Variants in ZBTB7A observed in about 807,000 individuals in gnomAD.
ZBTB7A encodes zinc finger and BTB domain-containing protein 7A.
In ZBTB7A, 7 loss-of-function variants were observed where a neutral mutation model predicts 26.7. That is an observed-to-expected ratio of 0.26 (90% CI 0.15 to 0.49). The LOEUF is 0.49. Ranked by LOEUF, ZBTB7A falls within the 20% of genes least tolerant of loss-of-function variation. The pLI is 0.98. For missense variants in ZBTB7A, 617 were observed against 919.5 expected (o/e 0.67, Z 4.25); for synonymous variants, 452 against 441.0 (o/e 1.02, Z -0.31).
rs1421541063 is a variant in ZBTB7A, at chr19:4,043,704, C to T, written c.*4048G>A. Among the ~76,000 whole-genome samples, 2 of 81,950 alleles carry T rather than the reference C, an allele frequency of 2.4e-5. No homozygotes were observed. Among genetic ancestry groups the T allele is most frequent in the East Asian group, 3.8e-4 (1 of 2,608 alleles). The allele number at this position is 81,950 out of a possible 152,430, so 53.8% of individuals were successfully genotyped here. A position where few individuals can be genotyped will look rare whatever the true frequency, so the allele number is the denominator to read the frequency against. ...GGGATGGGGGTCTCCCTGGCCCCCT[C>T]CACCCCCTGGGCCCGGCCCCCCCCC... On this transcript the variant is annotated 3_prime_UTR_variant, in exon 3 of 3. Coordinates refer to ENST00000322357, the MANE Select transcript of ZBTB7A (RefSeq NM_015898.4).
In ZBTB7A at chr19:4,047,975, C is replaced by A; in HGVS notation, c.1532G>T (p.Ser511Ile). The change falls in exon 3 of 3, where the codon AGC becomes ATC. Residue 511 changes from serine (S) to isoleucine (I), a missense_variant. Coordinates refer to ENST00000322357, the MANE Select transcript of ZBTB7A (RefSeq NM_015898.4). ...PRVRGGAPDP[S>I]PGATATPGAP... ...GCCGGGGGTCGCGGTGGCCCCCGGG[C>A]TGGGGTCGGGCGCCCCGCCCCGGAC... The A allele has an allele frequency of 8.0e-7, 1 of 1,243,788 alleles. No homozygotes were observed. Among genetic ancestry groups the A allele is most frequent in the Non-Finnish European group, 1.0e-6 (1 of 983,024 alleles). The allele number at this position is 1,243,788 out of a possible 1,614,324, so 77.0% of individuals were successfully genotyped here. A position where few individuals can be genotyped will look rare whatever the true frequency, so the allele number is the denominator to read the frequency against.
rs2040423499 is a variant in ZBTB7A at position 4,046,637 on chromosome 19, T to A, written c.*1115A>T. Reference sequence around the variant, plus strand: ...TTTTTTCTAGTTTGTTTTATTGCTTTTGTGACATTGGAATTTGTGGATTTT... The same window carrying A: ...TTTTTTCTAGTTTGTTTTATTGCTTATGTGACATTGGAATTTGTGGATTTT... On this transcript the variant is annotated 3_prime_UTR_variant, in exon 3 of 3. Transcript: ENST00000322357. 1 of 150,758 alleles carries A rather than the reference T, an allele frequency of 6.6e-6. No individual in the cohort carries two copies. Among genetic ancestry groups the A allele is most frequent in the African/African-American group, 2.4e-5 (1 of 41,128 alleles). 9.3% of individuals were successfully genotyped at this position (150,758 alleles called of 1,614,324 possible). A position where few individuals can be genotyped will look rare whatever the true frequency, so the allele number is the denominator to read the frequency against.
At position 4,052,454 on chromosome 19, in the gene ZBTB7A, C is replaced by T. The variant is rs576648215; in HGVS notation, c.1262+1517G>A. 2.6e-5 allele frequency among the ~76,000 whole-genome samples: 4 copies of T among 152,064 alleles called. No individual in the cohort carries two copies. The highest frequency in any genetic ancestry group is 7.2e-5 in the African/African-American group (3 of 41,394). On this transcript the variant is annotated intron_variant, in intron 2 of 2. Coordinates refer to ENST00000322357, the MANE Select transcript of ZBTB7A (RefSeq NM_015898.4). This position sits in a 1 kb window ranked among gnomAD's most constrained non-coding sequence, Gnocchi z 4.9. ...TTGCCCCCTGCCTGGCACTCCTGGG[C>T]GCCGGAGTCCAGGCCGCACCTTCCT...
At chr19:4,056,493 G>A (rs1338123540) in intron 1 of ZBTB7A, among the ~76,000 whole-genome samples, 1 of 152,202 alleles carries the variant, frequency 6.6e-6, no homozygotes, top group Non-Finnish European at 1.5e-5. Flanking sequence ...TGGGGAGGCT[G>A]AGGTGGGCAG....
chr19:4,044,683 T>TC lies in ZBTB7A; in HGVS notation c.*3068dup, dbSNP rs397738373. 12 of 124,730 alleles carry TC rather than the reference T, an allele frequency of 9.6e-5. No homozygotes were observed. The highest frequency in any genetic ancestry group is 1.9e-4 in the Non-Finnish European group (11 of 59,230). 7.7% of individuals were successfully genotyped at this position (124,730 alleles called of 1,614,324 possible). Reference sequence around the variant, plus strand: ...TCGCATTGTTTTTCTTTTTTTTTTTTCTCTTTTTTTTTTTGTACCAGGCAG... The same window carrying TC: ...TCGCATTGTTTTTCTTTTTTTTTTTTCCTCTTTTTTTTTTTGTACCAGGCAG... On this transcript the variant is annotated 3_prime_UTR_variant, in exon 3 of 3. Coordinates refer to ENST00000322357, the MANE Select transcript of ZBTB7A (RefSeq NM_015898.4).
Position 4,047,958 on chromosome 19 carries a change from T to A in ZBTB7A, c.1549A>T (p.Thr517Ser), listed in dbSNP as rs1300966455. The change falls in exon 3 of 3, where the codon ACC (threonine) becomes TCC (serine). Residue 517 changes from threonine to serine, a missense_variant. Coordinates refer to ENST00000322357, the MANE Select transcript of ZBTB7A (RefSeq NM_015898.4). ...CTGGGCTGGGCGGGGGCGCCGGGGG[T>A]CGCGGTGGCCCCCGGGCTGGGGTCG... ...APDPSPGATA[T>S]PGAPAQPSSP... The A allele has an allele frequency of 1.1e-5, 14 of 1,264,458 alleles. No homozygotes were observed. Among genetic ancestry groups the A allele is most frequent in the Non-Finnish European group, 1.4e-5 (14 of 993,204 alleles). The allele number at this position is 1,264,458 out of a possible 1,614,324, so 78.3% of individuals were successfully genotyped here. A position where few individuals can be genotyped will look rare whatever the true frequency, so the allele number is the denominator to read the frequency against.
At chr19:4,064,103 T>C (rs2040666321) in intron 1 of ZBTB7A, among the ~76,000 whole-genome samples, 1 of 152,122 alleles carries the variant, frequency 6.6e-6, no homozygotes, top group South Asian at 2.1e-4. Context: ...CGCGCCTCAG[T>C]CTCCCGCACA....
chr19:4,057,445 A>C (rs1223497306), intron 1 of ZBTB7A, among the ~76,000 whole-genome samples: 2 of 152,198 alleles, frequency 1.3e-5, no homozygotes, highest in African/African-American at 4.8e-5. Context: ...TGTTGATCTG[A>C]GCACGGGCTT....
At chr19:4,058,506 C>G (rs1332658124) in intron 1 of ZBTB7A, among the ~76,000 whole-genome samples, 1 of 152,108 alleles carries the variant, frequency 6.6e-6, no homozygotes, top group Non-Finnish European at 1.5e-5. Context: ...AACCCTCTGG[C>G]CCCTGTCCCC....
chr19:4,051,898 G>A (rs929032232), intron 2 of ZBTB7A, among the ~76,000 whole-genome samples: 3 of 152,034 alleles, frequency 2.0e-5, no homozygotes, highest in African/African-American at 7.2e-5. Flanking sequence ...TCATCACCCC[G>A]AGCCCCAGCC....
intron 1 of ZBTB7A, among the ~76,000 whole-genome samples, chr19:4,060,741 G>A (rs1230492557): frequency 6.6e-6 from 1 of 152,228 alleles, no homozygotes; most frequent in Non-Finnish European, 1.5e-5. Flanking sequence ...GCTAGTGCAG[G>A]GTGTGGGAGC....
At position 4,043,810 on chromosome 19, in the gene ZBTB7A, A is replaced by T. The variant is rs1183563440; in HGVS notation, c.*3942T>A. On this transcript the variant is annotated 3_prime_UTR_variant, in exon 3 of 3. Transcript: ENST00000322357. The stretch of plus-strand genomic sequence containing the variant: ...AGCTCCTGGGGCACCCCCAGCCTCC[A>T]GGCCCCTGACCCGTCCTGCGCCAGC... Among the ~76,000 whole-genome samples the T allele has an allele frequency of 8.7e-6, 1 of 115,566 alleles. No homozygotes were observed. Among genetic ancestry groups the T allele is most frequent in the Non-Finnish European group, 1.7e-5 (1 of 58,004 alleles). 75.8% of individuals were successfully genotyped at this position (115,566 alleles called of 152,430 possible).
Position 4,044,154 on chromosome 19 carries a change from G to A in ZBTB7A, c.*3598C>T, listed in dbSNP as rs2040382895. ...CCTGTCCCCCACCTTCCCTGCAGCC[G>A]CCCACTTCCAGGGGAAGACCCTGGA... On this transcript the variant is annotated 3_prime_UTR_variant, in exon 3 of 3. Transcript: ENST00000322357. Among the ~76,000 whole-genome samples the A allele has an allele frequency of 6.6e-6, 1 of 151,638 alleles. No homozygotes were observed. Among genetic ancestry groups the A allele is most frequent in the Admixed American group, 6.6e-5 (1 of 15,234 alleles).
At chr19:4,049,675 C>T (rs920065655) in intron 2 of ZBTB7A, among the ~76,000 whole-genome samples, 1 of 152,138 alleles carries the variant, frequency 6.6e-6, no homozygotes, top group Non-Finnish European at 1.5e-5. Flanking sequence ...CCCTAGTAAC[C>T]AAGTCCCCAC....
chr19:4,047,681 G>A lies in ZBTB7A; in HGVS notation c.*71C>T, dbSNP rs1466625602. 1 of 1,523,448 alleles carries A rather than the reference G, an allele frequency of 6.6e-7. No homozygotes were observed. Among genetic ancestry groups the A allele is most frequent in the South Asian group, 1.3e-5 (1 of 79,858 alleles). 94.4% of individuals were successfully genotyped at this position (1,523,448 alleles called of 1,614,324 possible). A position where few individuals can be genotyped will look rare whatever the true frequency, so the allele number is the denominator to read the frequency against. On this transcript the variant is annotated 3_prime_UTR_variant, in exon 3 of 3. Coordinates refer to ENST00000322357, the MANE Select transcript of ZBTB7A (RefSeq NM_015898.4). The stretch of plus-strand genomic sequence containing the variant: ...TTTTCTTTTTTTGTGTTTTTGGGGG[G>A]GTGGTGGGTGATTTTTTTTCTCTCT...
intron 2 of ZBTB7A, among the ~76,000 whole-genome samples, chr19:4,049,459 C>A (rs2040473711): frequency 6.6e-6 from 1 of 151,636 alleles, no homozygotes. Flanking sequence ...CAGACCTTTG[C>A]CGAGCGCCCG....
At chr19:4,053,796 A>C (rs1568232997) in intron 2 of ZBTB7A, among the ~76,000 whole-genome samples, 175 bp downstream of exon 2, 1 of 143,526 alleles carries the variant, frequency 7.0e-6, no homozygotes, top group South Asian at 2.2e-4. Flanking sequence ...GTGTGTGTGG[A>C]TGTGTAGGTG....
At position 4,044,062 on chromosome 19, in the gene ZBTB7A, C is replaced by T. The variant is rs969559181; in HGVS notation, c.*3690G>A. Among the ~76,000 whole-genome samples the T allele has an allele frequency of 4.6e-5, 7 of 152,102 alleles. No homozygotes were observed. Among genetic ancestry groups the T allele is most frequent in the Admixed American group, 2.0e-4 (3 of 15,284 alleles). ...GGAGGGGGCACCCCGAGGCCCCTGC[C>T]TCAGTGTCACCACCTGTGAGGTGAC... On this transcript the variant is annotated 3_prime_UTR_variant, in exon 3 of 3. Coordinates refer to ENST00000322357, the MANE Select transcript of ZBTB7A (RefSeq NM_015898.4).
At chr19:4,049,248 G>A (rs1197172099) in intron 2 of ZBTB7A, among the ~76,000 whole-genome samples, 17 of 121,828 alleles carry the variant, frequency 1.4e-4, no homozygotes, top group African/African-American at 4.7e-4. Flanking sequence ...CGTTACCCAG[G>A]CTAATCTCAA....
Sources: gnomAD v4.1 joint callset for allele counts (sites outside exome capture counted in the v4.1 genomes callset) on GRCh38, gnomAD v4.1.1 for gene constraint, Gnocchi (gnomAD v3.1) non-coding constraint, MANE v1.5 for transcripts, NCBI Gene and HGNC (gene_info 2026-07-23, HGNC 2026-07-21) for gene names.